OPCML: variants seen among roughly 807,000 people sequenced by gnomAD.
OPCML encodes opioid binding protein/cell adhesion molecule like.
OPCML carries 13 observed loss-of-function variants against 37.8 expected under a neutral mutation model. That is an observed-to-expected ratio of 0.34 (90% CI 0.22 to 0.55). The LOEUF is 0.55. Among genes scored for constraint, OPCML ranks in the 20% least tolerant of loss-of-function variants. OPCML has a pLI of 0.91. For synonymous variants in OPCML, 176 were observed against 168.8 expected (o/e 1.04, Z -0.33); for missense variants, 341 against 435.6 (o/e 0.78, Z 1.93).
intron 3 of OPCML, among the ~76,000 whole-genome samples, chr11:132,529,624 G>A (rs1176657258): frequency 5.3e-5 from 8 of 152,272 alleles, no homozygotes; most frequent in South Asian, 4.2e-4. Context: ...TGCTGATAAC[G>A]CTGAGTTAGT....
chr11:133,250,963 G>A (rs564056532), intron 1 of OPCML, among the ~76,000 whole-genome samples: 1 of 152,180 alleles, frequency 6.6e-6, no homozygotes, highest in African/African-American at 2.4e-5. Flanking sequence ...AGGAGGAACA[G>A]CTTTTTGCAA....
chr11:132,832,988 G>T (rs1009286001), intron 2 of OPCML, among the ~76,000 whole-genome samples: 2 of 152,134 alleles, frequency 1.3e-5, no homozygotes, highest in Non-Finnish European at 2.9e-5. Context: ...AGGACTGGAA[G>T]GTGCTCTGGC....
At chr11:133,138,830 A>G (rs1283289823) in intron 1 of OPCML, among the ~76,000 whole-genome samples, 1 of 152,154 alleles carries the variant, frequency 6.6e-6, no homozygotes, top group Admixed American at 6.6e-5. Flanking sequence ...ATGCCTACAT[A>G]ATGAACCTGC....
In OPCML at chr11:132,434,659, T is replaced by C. The variant is rs1010655158; in HGVS notation, c.916+1427A>G. Among the ~76,000 whole-genome samples, 121 of 152,300 alleles carry C rather than the reference T, an allele frequency of 7.9e-4. 2 individuals are homozygous for C. The highest frequency in any genetic ancestry group is 2.5e-4 in the Non-Finnish European group (17 of 68,024). ...CATGATGCCTAGAAACCAGTACACG[T>C]TTGGTAAATAGCAGATATTATGATT... On this transcript the variant is annotated intron_variant, in intron 7 of 7. Transcript: ENST00000524381.
At chr11:132,649,811 T>A (rs1183065013) in intron 3 of OPCML, among the ~76,000 whole-genome samples, 1 of 152,142 alleles carries the variant, frequency 6.6e-6, no homozygotes, top group Non-Finnish European at 1.5e-5. Flanking sequence ...AGGTCTCTTC[T>A]CCCATTGTTG....
rs538364139 is a variant in OPCML at position 132,568,055 on chromosome 11, T to C, written c.380-38869A>G. On this transcript the variant is annotated intron_variant, in intron 3 of 7. Transcript: ENST00000524381. ...GTGTGTGTGTGTGCGCGCGCGCGCG[T>C]GTGTGTGTGTGTGTTTGATTAGTCA... is the stretch of plus-strand genomic sequence containing the variant. 7.8e-3 allele frequency among the ~76,000 whole-genome samples: 1,123 copies of C among 143,696 alleles called. 5 individuals carry two copies. Among genetic ancestry groups the C allele is most frequent in the Admixed American group, 0.012 (177 of 14,762 alleles). 94.3% of individuals were successfully genotyped at this position (143,696 alleles called of 152,430 possible).
At chr11:133,314,975 A>AGTGT (rs1440740242) in intron 1 of OPCML, among the ~76,000 whole-genome samples, 2 of 126,296 alleles carry the variant, frequency 1.6e-5, no homozygotes, top group Non-Finnish European at 3.2e-5. Context: ...ACCACACCTC[A>AGTGT]GTGTGTGTGC....
chr11:133,516,577 T>C (rs1948277170), intron 1 of OPCML, among the ~76,000 whole-genome samples: 1 of 152,160 alleles, frequency 6.6e-6, no homozygotes, highest in African/African-American at 2.4e-5. Flanking sequence ...TTTGAAAAAT[T>C]CCAACTCTAC....
At chr11:132,609,877 G>A (rs1271900057) in intron 3 of OPCML, among the ~76,000 whole-genome samples, 1 of 152,166 alleles carries the variant, frequency 6.6e-6, no homozygotes, top group Admixed American at 6.5e-5. Flanking sequence ...GAGCATGGAA[G>A]GTGCTGACAT....
At chr11:133,479,712 G>A (rs1437392484) in intron 1 of OPCML, among the ~76,000 whole-genome samples, 1 of 152,198 alleles carries the variant, frequency 6.6e-6, no homozygotes, top group African/African-American at 2.4e-5. Flanking sequence ...AAGTCGCACA[G>A]TCTCGAGGAG....
chr11:132,814,654 A>T (rs779955968), intron 2 of OPCML, among the ~76,000 whole-genome samples: 19 of 152,216 alleles, frequency 1.2e-4, no homozygotes, highest in Non-Finnish European at 1.5e-4. Flanking sequence ...AGACACTTTC[A>T]CAGACCCACT....
At chr11:132,580,994 A>G (rs1025149044) in intron 3 of OPCML, among the ~76,000 whole-genome samples, 1 of 152,176 alleles carries the variant, frequency 6.6e-6, no homozygotes, top group Non-Finnish European at 1.5e-5. Context: ...AGTCCTGTCC[A>G]GACCACGTCT....
At chr11:133,062,356 A>G (rs1243409218) in intron 1 of OPCML, among the ~76,000 whole-genome samples, 1 of 152,226 alleles carries the variant, frequency 6.6e-6, no homozygotes, top group African/African-American at 2.4e-5. Flanking sequence ...TACCACCTGC[A>G]TGTAGGCAAA....
chr11:133,101,778 G>A (rs1565447739), intron 1 of OPCML, among the ~76,000 whole-genome samples: 1 of 152,014 alleles, frequency 6.6e-6, no homozygotes, highest in Non-Finnish European at 1.5e-5. Flanking sequence ...GTTGTTTATG[G>A]AAACTTTGTT....
chr11:133,279,224 C>T (rs1022788848), intron 1 of OPCML, among the ~76,000 whole-genome samples: 23 of 152,332 alleles, frequency 1.5e-4, no homozygotes, highest in African/African-American at 5.5e-4. Context: ...TCACCAATCT[C>T]CCCATCTCAC....
At chr11:132,778,166 A>G (rs150981530) in intron 2 of OPCML, among the ~76,000 whole-genome samples, 91 of 152,330 alleles carry the variant, frequency 6.0e-4, no homozygotes, top group Middle Eastern at 3.4e-3. Flanking sequence ...AGCTTTACAT[A>G]AACTCTCCTT....
chr11:132,993,095 T>A (rs1946811023), intron 1 of OPCML, among the ~76,000 whole-genome samples: 1 of 152,174 alleles, frequency 6.6e-6, no homozygotes, highest in Admixed American at 6.5e-5. Context: ...CCACCCTCCT[T>A]CCACTGGTTT....
chr11:133,007,676 A>C, intron 1 of OPCML: 1 of 985,448 alleles, frequency 1.0e-6, no homozygotes, highest in Non-Finnish European at 1.2e-6. Context: ...TAATAGGCAC[A>C]CAGAGAGATG....
At chr11:132,992,021 G>T (rs1946790076) in intron 1 of OPCML, among the ~76,000 whole-genome samples, 1 of 150,644 alleles carries the variant, frequency 6.6e-6, no homozygotes, top group East Asian at 2.0e-4. Context: ...TGTAACATTT[G>T]ATCTCATGGA....
Sources: allele counts gnomAD v4.1 joint callset (sites outside exome capture counted in the v4.1 genomes callset), GRCh38; gene constraint gnomAD v4.1.1; transcripts MANE v1.5; gene names NCBI Gene and HGNC (gene_info 2026-07-23, HGNC 2026-07-21).